The following SLC27A5 variants were observed in gnomAD, a reference collection of about 807,000 sequenced individuals.
SLC27A5 encodes solute carrier family 27 member 5.
Under a neutral mutation model 63.1 loss-of-function variants are expected in SLC27A5, and 47 were observed. The ratio of observed to expected loss-of-function variants is 0.74; its 90% CI spans 0.59 to 0.95. The LOEUF (loss-of-function observed/expected upper bound fraction) is 0.95, where lower values mean the gene tolerates loss of function less well. SLC27A5 is among the 40% of genes least tolerant of loss of function. The probability of loss-of-function intolerance (pLI) is 0.00; values close to 1 mark genes in which losing one functional copy is unlikely to be tolerated. For synonymous variants in SLC27A5, 391 were observed against 403.8 expected, an observed-to-expected ratio of 0.97 and a Z score of 0.38; for missense variants, 940 against 921.0, an observed-to-expected ratio of 1.02 and a Z score of -0.27.
intron 3 of SLC27A5, 136 bp downstream of exon 3, chr19:58,509,711 T>G: frequency 1.3e-6 from 1 of 758,334 alleles, no homozygotes; most frequent in Non-Finnish European, 2.0e-6. Context: ...CTGGTAGTCA[T>G]TGGTGGGTGT....
At chr19:58,510,517 T>C in intron 2 of SLC27A5, 1 of 501,552 alleles carries the variant, frequency 2.0e-6, no homozygotes, top group South Asian at 3.3e-5. Flanking sequence ...GAGGTTGCAG[T>C]GAGCCGAGAT....
At chr19:58,502,936 GA>G (rs753785390) in intron 3 of SLC27A5, among the ~76,000 whole-genome samples, 151,621 of 152,182 alleles carry the variant, frequency 1, 75,698 homozygotes, top group African/African-American at 1. Context: ...GCTGGGTGAG[GA>G]TCGTCACGCC....
In SLC27A5 at chr19:58,499,183, C is replaced by T; in HGVS notation, c.1705G>A (p.Gly569Ser). ...GENVSTHEVEGVLSQVDFLQQ... is the reference protein window; with the variant it reads ...GENVSTHEVESVLSQVDFLQQ... ...AAGAAGTCCACCTGCGACAACACGC[C>T]CTCCACCTCGTGCGTGGACACGTTC... Residue 569 changes from glycine to serine, a missense_variant, in exon 8 of 10, where the codon GGC becomes AGC. By Grantham distance (56) the Gly-to-Ser change is moderately conservative. Transcript: ENST00000263093. 3.1e-6 allele frequency: 5 copies of T among 1,614,026 alleles called. No individual in the cohort carries two copies. Among genetic ancestry groups the T allele is most frequent in the Non-Finnish European group, 4.2e-6 (5 of 1,180,034 alleles).
In SLC27A5 at chr19:58,498,868, G is replaced by C. The variant is rs746900296; in HGVS notation, c.1813C>G (p.Gln605Glu). ...GMAAVQLAPG[Q>E]TFDGEKLYQH... ...TACAACTTCTCCCCGTCGAAAGTCTGGCCGGGGGCTAGCTGCACAGCAGCC... is the reference window on the plus strand; with the variant it reads ...TACAACTTCTCCCCGTCGAAAGTCTCGCCGGGGGCTAGCTGCACAGCAGCC... The change falls in exon 9 of 10, where the codon CAG (glutamine) becomes GAG (glutamate). Residue 605 changes from glutamine (Q) to glutamate (E), a missense_variant. Gln to Glu is a conservative substitution (Grantham distance 29, BLOSUM62 2). Transcript: ENST00000263093. 1.2e-6 allele frequency: 2 copies of C among 1,613,842 alleles called. No individual in the cohort carries two copies. Among genetic ancestry groups the C allele is most frequent in the African/African-American group, 1.3e-5 (1 of 75,072 alleles).
rs1407926086 is a variant in SLC27A5 at position 58,500,333 on chromosome 19, C to T, written c.1468+6G>A. The T allele has an allele frequency of 6.2e-7, 1 of 1,611,772 alleles. No individual in the cohort carries two copies. ...CCACCCAGGAAAGGCTCCTCAACCC[C>T]CATACCTAGCCCTACAGGGATGCAG... is the stretch of plus-strand genomic sequence containing the variant. On this transcript the variant is annotated splice_donor_region_variant and intron_variant, in intron 6 of 9. Coordinates refer to ENST00000263093, the MANE Select transcript of SLC27A5 (RefSeq NM_012254.3).
At chr19:58,500,878 G>A (rs1019608649) in intron 4 of SLC27A5, 172 bp from the exon 5 acceptor site, 14 of 1,427,646 alleles carry the variant, frequency 9.8e-6, no homozygotes, top group African/African-American at 1.4e-5. Context: ...AGTAGTTACT[G>A]GAGTCTTAAA....
intron 3 of SLC27A5, chr19:58,509,629 G>A (rs922016127): frequency 4.2e-6 from 2 of 473,928 alleles, no homozygotes; most frequent in East Asian, 7.0e-5. Flanking sequence ...CTCGTATCAG[G>A]TCTTGTCACC....
At chr19:58,502,371 G>C (rs2053285192) in intron 3 of SLC27A5, among the ~76,000 whole-genome samples, 1 of 149,572 alleles carries the variant, frequency 6.7e-6, no homozygotes, top group Non-Finnish European at 1.5e-5. Flanking sequence ...AGTTAGAGTA[G>C]TGAGTGAGTA....
intron 3 of SLC27A5, chr19:58,508,893 A>G (rs2053377449): frequency 6.6e-6 from 1 of 152,056 alleles, no homozygotes; most frequent in Admixed American, 6.5e-5. Flanking sequence ...CCTGACCAAC[A>G]TGGTGAAACC....
chr19:58,502,961 C>T (rs1345902315), intron 3 of SLC27A5, among the ~76,000 whole-genome samples: 8 of 151,938 alleles, frequency 5.3e-5, no homozygotes, highest in African/African-American at 1.7e-4. Context: ...AATCCCAGGA[C>T]TTAGGGAGGC....
At chr19:58,502,954 C>T (rs1364935080) in intron 3 of SLC27A5, among the ~76,000 whole-genome samples, 4 of 151,942 alleles carry the variant, frequency 2.6e-5, no homozygotes, top group African/African-American at 4.8e-5. Context: ...CGCCTGTAAT[C>T]CCAGGACTTA....
At chr19:58,510,998 G>C (rs1323301371) in intron 1 of SLC27A5, 68 bp from the exon 2 acceptor site, 1 of 1,326,140 alleles carries the variant, frequency 7.5e-7, no homozygotes, top group Non-Finnish European at 1.0e-6. Context: ...CGGGATCTGA[G>C]ACCCACAGAT....
chr19:58,507,029 C>T (rs2053355168), intron 3 of SLC27A5, among the ~76,000 whole-genome samples: 2 of 151,776 alleles, frequency 1.3e-5, no homozygotes, highest in South Asian at 4.2e-4. Flanking sequence ...AGGCGTGAAC[C>T]ACCGGGCACA....
In SLC27A5 at chr19:58,498,780, C is replaced by G; in HGVS notation, c.1896+5G>C. On this transcript the variant is annotated splice_donor_5th_base_variant and intron_variant, in intron 9 of 9. Transcript: ENST00000263093. ...CACCCACCCACCAGGCCACCCTGGG[C>G]TCACCTGGATGCGGATGAAATGGGG... The G allele has an allele frequency of 6.2e-7, 1 of 1,613,658 alleles. No individual in the cohort carries two copies. The highest frequency in any genetic ancestry group is 8.5e-7 in the Non-Finnish European group (1 of 1,179,742).
intron 3 of SLC27A5, among the ~76,000 whole-genome samples, chr19:58,504,938 G>A (rs901325038): frequency 8.6e-5 from 13 of 150,864 alleles, no homozygotes; most frequent in Non-Finnish European, 1.2e-4. Context: ...CCCAGGAGGC[G>A]GAGCTTGCCG....
intron 3 of SLC27A5, among the ~76,000 whole-genome samples, chr19:58,505,448 A>G (rs1184588882): frequency 2.6e-5 from 4 of 151,050 alleles, no homozygotes; most frequent in Non-Finnish European, 4.4e-5. Flanking sequence ...AGCCAGGCTG[A>G]TCTTGAACTC....
At chr19:58,499,737 C>T in intron 6 of SLC27A5, 47 bp from the exon 7 acceptor site, 3 of 1,583,140 alleles carry the variant, frequency 1.9e-6, no homozygotes, top group Non-Finnish European at 8.6e-7. Context: ...ACCAGCCAAG[C>T]CCCCTGCTGG....
intron 3 of SLC27A5, among the ~76,000 whole-genome samples, chr19:58,504,843 A>C (rs1021956152): frequency 6.9e-5 from 10 of 145,034 alleles, no homozygotes; most frequent in African/African-American, 2.0e-4. Context: ...GTCTCTACTA[A>C]AAATACAAAA....
intron 3 of SLC27A5, among the ~76,000 whole-genome samples, chr19:58,506,037 G>C (rs897519798): frequency 2.0e-5 from 3 of 151,454 alleles, no homozygotes; most frequent in Non-Finnish European, 4.4e-5. Context: ...TGTAATAACA[G>C]CTACTAGGGA....
Sources: gnomAD v4.1 joint callset for allele counts (sites outside exome capture counted in the v4.1 genomes callset) on GRCh38, gnomAD v4.1.1 for gene constraint, MANE v1.5 for transcripts, NCBI Gene and HGNC (gene_info 2026-07-23, HGNC 2026-07-21) for gene names.